ASTN2: variants seen among roughly 807,000 people sequenced by gnomAD.
ASTN2 encodes the protein astrotactin-2.
A neutral mutation model predicts 139.8 loss-of-function variants in ASTN2; 54 were observed. The observed-to-expected ratio is 0.39, with a 90% CI of 0.31 to 0.48. The LOEUF is 0.48. Ranked by LOEUF, ASTN2 falls within the 20% of genes least tolerant of loss-of-function variation. ASTN2 has a pLI of 0.95. For synonymous variants in ASTN2, 756 were observed against 719.5 expected (o/e 1.05, Z -0.81); for missense variants, 1,565 against 1,725.1 (o/e 0.91, Z 1.64).
At chr9:117,314,638 A>C (rs1260932945) in intron 1 of ASTN2, among the ~76,000 whole-genome samples, 1 of 146,322 alleles carries the variant, frequency 6.8e-6, no homozygotes, top group Non-Finnish European at 1.5e-5. Context: ...ATATAATTAT[A>C]ATTATTATAT....
At chr9:116,714,005 G>T (rs1335071489) in intron 16 of ASTN2, among the ~76,000 whole-genome samples, 1 of 152,136 alleles carries the variant, frequency 6.6e-6, no homozygotes. Context: ...ACCTCACAGG[G>T]TTGTTATGAA....
Position 117,291,315 on chromosome 9 carries a change from C to T in ASTN2, c.630+11G>A, listed in dbSNP as rs934696736. 3.1e-6 allele frequency: 5 copies of T among 1,613,714 alleles called. No homozygotes were observed. Among genetic ancestry groups the T allele is most frequent in the African/African-American group, 1.3e-5 (1 of 74,954 alleles). On this transcript the variant is annotated intron_variant, in intron 2 of 22. Coordinates refer to ENST00000313400, the MANE Select transcript of ASTN2 (RefSeq NM_001365068.1). ...AATCCCCGACCCCGGTCACATCCCC[C>T]CATCACTCACCATCACAGAAATGTG...
At chr9:116,645,228 C>A (rs201642684) in intron 17 of ASTN2, among the ~76,000 whole-genome samples, 3 of 152,258 alleles carry the variant, frequency 2.0e-5, no homozygotes, top group East Asian at 3.9e-4. Context: ...AGTTAACAAC[C>A]ACACAAAGTC....
At chr9:117,212,764 T>C (rs1354047548) in intron 3 of ASTN2, among the ~76,000 whole-genome samples, 3 of 152,126 alleles carry the variant, frequency 2.0e-5, no homozygotes, top group Non-Finnish European at 2.9e-5. Flanking sequence ...TTAGAATGGC[T>C]ATTATAAAAA....
At chr9:116,538,154 C>T (rs977354550) in intron 19 of ASTN2, among the ~76,000 whole-genome samples, 1 of 151,734 alleles carries the variant, frequency 6.6e-6, no homozygotes, top group African/African-American at 2.4e-5. Context: ...GTCCCCATTC[C>T]TGGATTAGAA....
chr9:116,676,296 T>C (rs576497177), intron 16 of ASTN2, among the ~76,000 whole-genome samples: 3 of 152,344 alleles, frequency 2.0e-5, no homozygotes, highest in Admixed American at 1.3e-4. Flanking sequence ...GTTTGATTAA[T>C]AGCAAAAAGG....
intron 13 of ASTN2, among the ~76,000 whole-genome samples, chr9:116,750,778 T>C (rs1256172347): frequency 6.6e-6 from 1 of 152,196 alleles, no homozygotes; most frequent in Non-Finnish European, 1.5e-5. Flanking sequence ...TTAGCCAGTT[T>C]GCTTCATAAC....
chr9:117,397,415 C>A (rs138574210), intron 1 of ASTN2, among the ~76,000 whole-genome samples: 4 of 152,046 alleles, frequency 2.6e-5, no homozygotes, highest in African/African-American at 4.8e-5. Flanking sequence ...AGGTCAGGTG[C>A]GACAACTATA....
At chr9:117,193,349 G>A (rs1831398794) in intron 3 of ASTN2, among the ~76,000 whole-genome samples, 1 of 152,042 alleles carries the variant, frequency 6.6e-6, no homozygotes, top group Non-Finnish European at 1.5e-5. Flanking sequence ...TGTTAAGAAA[G>A]TCATTTCTGG....
intron 19 of ASTN2, among the ~76,000 whole-genome samples, chr9:116,503,341 C>G (rs1427451447): frequency 6.6e-6 from 1 of 151,996 alleles, no homozygotes; most frequent in Non-Finnish European, 1.5e-5. Flanking sequence ...GAGAGGGTGA[C>G]TGGCATTTCC....
chr9:116,494,779 T>C lies in ASTN2; in HGVS notation c.3356-7279A>G, dbSNP rs527515056. ...AATAACTTTCTCACAAAAATCTACC[T>C]AGGAATGTCAGAGTAAAGGCTGAAG... On this transcript the variant is annotated intron_variant, in intron 19 of 22. Transcript: ENST00000313400. 3.9e-5 allele frequency among the ~76,000 whole-genome samples: 6 copies of C among 152,320 alleles called. No homozygotes were observed. The East Asian group carries it at 1.2e-3, about 29-fold the overall frequency.
intron 19 of ASTN2, among the ~76,000 whole-genome samples, chr9:116,502,726 GGAAGGAATGAATGAAT>G (rs1197844931): frequency 0.068 from 2,287 of 33,652 alleles, 166 homozygotes; most frequent in African/African-American, 0.18. Flanking sequence ...AAGGAAGGAA[GGAAGGAATGAATGAAT>G]GAATGAGGGA....
At chr9:116,963,732 T>C (rs1438316568) in intron 10 of ASTN2, among the ~76,000 whole-genome samples, 1 of 152,238 alleles carries the variant, frequency 6.6e-6, no homozygotes, top group Non-Finnish European at 1.5e-5. Context: ...TCTTCCCTTG[T>C]GCTCAGGAGG....
chr9:116,539,536 G>A (rs1476457709), intron 19 of ASTN2, among the ~76,000 whole-genome samples: 3 of 152,154 alleles, frequency 2.0e-5, no homozygotes, highest in African/African-American at 4.8e-5. Flanking sequence ...CACTTATTTT[G>A]TTTATAGCAC....
intron 11 of ASTN2, among the ~76,000 whole-genome samples, chr9:116,841,143 G>C (rs1306199829): frequency 2.0e-5 from 3 of 152,254 alleles, no homozygotes; most frequent in African/African-American, 7.2e-5. Flanking sequence ...GGGAGGCCGA[G>C]GCTGTCGGAT....
intron 1 of ASTN2, among the ~76,000 whole-genome samples, chr9:117,378,384 G>A (rs1830179248): frequency 6.6e-6 from 1 of 152,144 alleles, no homozygotes; most frequent in Non-Finnish European, 1.5e-5. Flanking sequence ...ACAATACCTG[G>A]GAATAATGTG....
chr9:116,577,021 G>T (rs1287822257), intron 19 of ASTN2, among the ~76,000 whole-genome samples: 1 of 152,286 alleles, frequency 6.6e-6, no homozygotes, highest in Middle Eastern at 3.4e-3. Context: ...AGGACTTTAT[G>T]TGCATTTTCT....
At chr9:117,311,815 T>C (rs1053835576) in intron 1 of ASTN2, among the ~76,000 whole-genome samples, 42 of 152,200 alleles carry the variant, frequency 2.8e-4, no homozygotes, top group African/African-American at 1.0e-3. Flanking sequence ...TAGATGCTCA[T>C]GAATGTTCGT....
In ASTN2 at chr9:116,976,201, G is replaced by T. The variant is rs746398096; in HGVS notation, c.1677-13C>A. ...GTAGGGCCAAGGTCTATGGGAAGAAGGAGAGGGGAGAGAAGATGACATTAG... is the reference window on the plus strand; with the variant it reads ...GTAGGGCCAAGGTCTATGGGAAGAATGAGAGGGGAGAGAAGATGACATTAG... On this transcript the variant is annotated splice_polypyrimidine_tract_variant and intron_variant, in intron 8 of 22. Transcript: ENST00000313400. 6.2e-7 allele frequency: 1 copy of T among 1,611,642 alleles called. No individual in the cohort carries two copies. Among genetic ancestry groups the T allele is most frequent in the South Asian group, 1.1e-5 (1 of 90,998 alleles).
Sources: allele counts gnomAD v4.1 joint callset (sites outside exome capture counted in the v4.1 genomes callset), GRCh38; gene constraint gnomAD v4.1.1; transcripts MANE v1.5; gene names NCBI Gene and HGNC (gene_info 2026-07-23, HGNC 2026-07-21).